FAM120A: variants seen among roughly 807,000 people sequenced by gnomAD.
FAM120A encodes constitutive coactivator of PPAR-gamma-like protein 1.
Under a neutral mutation model 109.7 loss-of-function variants are expected in FAM120A, and 15 were observed. The ratio of observed to expected loss-of-function variants is 0.14; its 90% CI spans 0.09 to 0.21. The LOEUF (loss-of-function observed/expected upper bound fraction) is 0.21, where lower values mean the gene tolerates loss of function less well. Ranked by LOEUF, FAM120A falls within the 10% of genes least tolerant of loss-of-function variation. FAM120A has a pLI of 1.00. For missense variants in FAM120A, 899 were observed against 1,439.3 expected, an observed-to-expected ratio of 0.62 and a Z score of 6.07; for synonymous variants, 493 against 572.8, an observed-to-expected ratio of 0.86 and a Z score of 1.99.
At chr9:93,538,632 C>T (rs1209817011) in intron 10 of FAM120A, among the ~76,000 whole-genome samples, 1 of 152,198 alleles carries the variant, frequency 6.6e-6, no homozygotes, top group African/African-American at 2.4e-5. Context: ...CTCCTGCGCC[C>T]TTAGTGGGCA....
At position 93,464,533 on chromosome 9, in the gene FAM120A, G is replaced by A. The variant is rs117836120; in HGVS notation, c.475-6608G>A. ...CCTGGCTGCCCCAGGTTAGAGTGTT[G>A]TATTGGACACTAGCCCCCTCATCAC... On this transcript the variant is annotated intron_variant, in intron 1 of 17. Coordinates refer to ENST00000277165, the MANE Select transcript of FAM120A (RefSeq NM_014612.5). 7.4e-3 allele frequency among the ~76,000 whole-genome samples: 1,134 copies of A among 152,312 alleles called. 7 individuals are homozygous for A. The highest frequency in any genetic ancestry group is 0.012 in the Non-Finnish European group (838 of 68,028).
At chr9:93,476,669 G>A (rs1858561560) in intron 3 of FAM120A, among the ~76,000 whole-genome samples, 4 of 152,034 alleles carry the variant, frequency 2.6e-5, no homozygotes, top group Admixed American at 2.6e-4. Context: ...TTTGTCTTTA[G>A]GTAGTATAGT....
At chr9:93,495,975 T>C (rs1479104347) in intron 3 of FAM120A, among the ~76,000 whole-genome samples, 3 of 152,252 alleles carry the variant, frequency 2.0e-5, no homozygotes, top group African/African-American at 7.2e-5. Context: ...TTGATATCTT[T>C]GATAGCATCT....
chr9:93,454,935 A>G (rs1168108762), intron 1 of FAM120A, among the ~76,000 whole-genome samples: 3 of 152,214 alleles, frequency 2.0e-5, no homozygotes, highest in Non-Finnish European at 2.9e-5. Context: ...ATCCTTACAC[A>G]TTGCTTGTGG....
At chr9:93,543,525 A>G (rs1228377782) in intron 11 of FAM120A, 54 bp downstream of exon 11, 1 of 1,581,850 alleles carries the variant, frequency 6.3e-7, no homozygotes. Flanking sequence ...TGTAGGGGCC[A>G]TGACCATGGT....
chr9:93,550,973 T>G (rs1311599192), intron 12 of FAM120A, among the ~76,000 whole-genome samples: 1 of 152,244 alleles, frequency 6.6e-6, no homozygotes, highest in Admixed American at 6.5e-5. Context: ...TATTCTTATT[T>G]ATCACATCAT....
chr9:93,543,076 T>G, intron 10 of FAM120A, 146 bp from the exon 11 acceptor site: 1 of 954,246 alleles, frequency 1.0e-6, no homozygotes, highest in East Asian at 2.5e-5. Context: ...AAGGACTTGA[T>G]GATTGGTAGT....
Position 93,495,841 on chromosome 9 carries a change from G to T in FAM120A, c.805-1630G>T, listed in dbSNP as rs542226917. Reference sequence around the variant, plus strand: ...TTCATGAAAGATTTCTCTATAGCCTGCAATGTTATTTGATAGCAGTTTACC... The same window carrying T: ...TTCATGAAAGATTTCTCTATAGCCTTCAATGTTATTTGATAGCAGTTTACC... On this transcript the variant is annotated intron_variant, in intron 3 of 17. Transcript: ENST00000277165. Among the ~76,000 whole-genome samples, 69 of 152,252 alleles carry T rather than the reference G, an allele frequency of 4.5e-4. 1 individual carries two copies. The highest frequency in any genetic ancestry group is 3.4e-3 in the Middle Eastern group (1 of 294).
At chr9:93,482,150 A>G (rs1295297316) in intron 3 of FAM120A, among the ~76,000 whole-genome samples, 1 of 149,916 alleles carries the variant, frequency 6.7e-6, no homozygotes, top group Non-Finnish European at 1.5e-5. Flanking sequence ...GCAATCTATC[A>G]GGCTGTATCA....
In FAM120A at chr9:93,538,347, T is replaced by A. The variant is rs1033219525; in HGVS notation, c.1910-4875T>A. On this transcript the variant is annotated intron_variant, in intron 10 of 17. Transcript: ENST00000277165. ...CAACCTGCTACCTACACGCTGGGGC[T>A]GCTTAAAAATTAGGGGGCAGTTTTT... Among the ~76,000 whole-genome samples, 4 of 152,278 alleles carry A rather than the reference T, an allele frequency of 2.6e-5. 1 individual carries two copies. Among genetic ancestry groups the A allele is most frequent in the African/African-American group, 9.6e-5 (4 of 41,560 alleles).
intron 2 of FAM120A, 117 bp downstream of exon 2, chr9:93,471,504 C>A: frequency 7.8e-7 from 1 of 1,287,514 alleles, no homozygotes; most frequent in Non-Finnish European, 1.1e-6. Context: ...TTGAAAAGAA[C>A]CAAGGCGTGG....
intron 5 of FAM120A, among the ~76,000 whole-genome samples, chr9:93,514,561 T>A (rs1860480313): frequency 6.6e-6 from 1 of 152,204 alleles, no homozygotes; most frequent in Admixed American, 6.5e-5. Flanking sequence ...GCAGTGTGCA[T>A]CTTACTTAAA....
At chr9:93,459,637 A>G (rs1857702291) in intron 1 of FAM120A, among the ~76,000 whole-genome samples, 1 of 152,210 alleles carries the variant, frequency 6.6e-6, no homozygotes, top group African/African-American at 2.4e-5. Context: ...ATACTGTAGA[A>G]CAATATGTTT....
chr9:93,526,659 C>A (rs1332894945), intron 7 of FAM120A, among the ~76,000 whole-genome samples: 2 of 152,234 alleles, frequency 1.3e-5, no homozygotes, highest in Admixed American at 1.3e-4. Flanking sequence ...TTCGAGTCAC[C>A]TCCAGTGTTA....
chr9:93,504,592 CTTAATA>C (rs1394441989), intron 5 of FAM120A, among the ~76,000 whole-genome samples: 2 of 152,160 alleles, frequency 1.3e-5, no homozygotes, highest in Admixed American at 6.5e-5. Flanking sequence ...GACTTGCCTT[CTTAATA>C]TTTATATTAT....
chr9:93,452,957 A>G lies in FAM120A; in HGVS notation c.474+568A>G. ...GGGCCAGTGCCCTGGCCTCTACTTC[A>G]GAACGCAGTGCCCTGTCCGTGTTCC... On this transcript the variant is annotated intron_variant, in intron 1 of 17. Coordinates refer to ENST00000277165, the MANE Select transcript of FAM120A (RefSeq NM_014612.5). The surrounding 1 kb of genome is among the most constrained non-coding windows in gnomAD (Gnocchi z 7.0). The G allele has an allele frequency of 7.2e-7, 1 of 1,381,334 alleles. No homozygotes were observed. The highest frequency in any genetic ancestry group is 2.9e-5 in the East Asian group (1 of 34,800). The allele number at this position is 1,381,334 out of a possible 1,614,324, so 85.6% of individuals were successfully genotyped here. A position where few individuals can be genotyped will look rare whatever the true frequency, so the allele number is the denominator to read the frequency against.
chr9:93,519,961 A>T (rs958471499), intron 7 of FAM120A, among the ~76,000 whole-genome samples: 1 of 152,034 alleles, frequency 6.6e-6, no homozygotes, highest in East Asian at 1.9e-4. Flanking sequence ...CTGTAGCCTC[A>T]AACTCCTGGG....
At chr9:93,523,196 T>C in intron 7 of FAM120A, 1 of 534,642 alleles carries the variant, frequency 1.9e-6, no homozygotes, top group Admixed American at 3.6e-5. Flanking sequence ...TTTGGCTCCC[T>C]TTGATCTGGT....
intron 3 of FAM120A, among the ~76,000 whole-genome samples, chr9:93,493,894 A>T (rs556478575): frequency 3.7e-4 from 56 of 152,346 alleles, no homozygotes; most frequent in African/African-American, 1.2e-3. Context: ...GCGCTCTCTC[A>T]GTGGGCCTGG....
Sources: allele counts gnomAD v4.1 joint callset (sites outside exome capture counted in the v4.1 genomes callset), GRCh38; gene constraint gnomAD v4.1.1; non-coding constraint Gnocchi (gnomAD v3.1); transcripts MANE v1.5; gene names NCBI Gene and HGNC (gene_info 2026-07-23, HGNC 2026-07-21).